Variants in FBXL7 observed in about 807,000 individuals in gnomAD.
FBXL7 encodes F-box/LRR-repeat protein 7.
In FBXL7, 12 loss-of-function variants were observed where a neutral mutation model predicts 38.3. That is an observed-to-expected ratio of 0.31 (90% confidence interval 0.20 to 0.51). The LOEUF (loss-of-function observed/expected upper bound fraction) is 0.51, where lower values mean the gene tolerates loss of function less well. Among genes scored for constraint, FBXL7 ranks in the 20% least tolerant of loss-of-function variants. FBXL7 has a pLI of 0.98. For missense variants in FBXL7, 567 were observed against 676.4 expected, an observed-to-expected ratio of 0.84 and a Z score of 1.79; for synonymous variants, 297 against 300.9, an observed-to-expected ratio of 0.99 and a Z score of 0.13.
chr5:15,838,020 G>A (rs1415829818), intron 2 of FBXL7, among the ~76,000 whole-genome samples: 1 of 152,068 alleles, frequency 6.6e-6, no homozygotes, highest in East Asian at 1.9e-4. Flanking sequence ...TGTGGAGTTG[G>A]GTTGTTAGGC....
intron 2 of FBXL7, among the ~76,000 whole-genome samples, chr5:15,841,797 C>G (rs1007810467): frequency 6.6e-6 from 1 of 152,176 alleles, no homozygotes; most frequent in African/African-American, 2.4e-5. Flanking sequence ...GGAGGCAAGC[C>G]CCAAGCCTTT....
chr5:15,843,115 CTCTT>C (rs567450357), intron 2 of FBXL7, among the ~76,000 whole-genome samples: 7 of 152,110 alleles, frequency 4.6e-5, no homozygotes, highest in Non-Finnish European at 8.8e-5. Flanking sequence ...ATTTCTATCT[CTCTT>C]GTTTATTTCC....
chr5:15,699,019 C>T (rs1743436474), intron 2 of FBXL7, among the ~76,000 whole-genome samples: 1 of 151,846 alleles, frequency 6.6e-6, no homozygotes, highest in Non-Finnish European at 1.5e-5. Context: ...TCTTTTCTTT[C>T]TCAAGCACCC....
intron 1 of FBXL7, among the ~76,000 whole-genome samples, chr5:15,612,917 A>G (rs1417141750): frequency 1.3e-5 from 2 of 152,208 alleles, no homozygotes; most frequent in Non-Finnish European, 2.9e-5. Flanking sequence ...TCTCAGCAAA[A>G]TAACATCATC....
chr5:15,930,519 A>G (rs1195992084), intron 3 of FBXL7, among the ~76,000 whole-genome samples: 4 of 152,242 alleles, frequency 2.6e-5, no homozygotes, highest in Admixed American at 6.5e-5. Flanking sequence ...TCAGAAATGC[A>G]GAAACCACTT....
At chr5:15,658,809 G>C (rs1580439898) in intron 2 of FBXL7, among the ~76,000 whole-genome samples, 1 of 152,284 alleles carries the variant, frequency 6.6e-6, no homozygotes, top group East Asian at 1.9e-4. Flanking sequence ...ATAACACAAG[G>C]AGTTAGGTCA....
chr5:15,666,396 A>G (rs1383772844), intron 2 of FBXL7, among the ~76,000 whole-genome samples: 1 of 152,212 alleles, frequency 6.6e-6, no homozygotes, highest in Admixed American at 6.5e-5. Flanking sequence ...TATATTTACA[A>G]ACTATATTTA....
chr5:15,867,313 T>C (rs958561122), intron 2 of FBXL7, among the ~76,000 whole-genome samples: 1 of 152,174 alleles, frequency 6.6e-6, no homozygotes, highest in Non-Finnish European at 1.5e-5. Flanking sequence ...AGACTACCTA[T>C]CATCTCCACC....
intron 2 of FBXL7, among the ~76,000 whole-genome samples, chr5:15,883,714 A>AGTGG (rs923820137): frequency 3.9e-5 from 6 of 152,168 alleles, no homozygotes; most frequent in African/African-American, 1.4e-4. Context: ...CAATTTTTTC[A>AGTGG]GTGGGTGGTA....
intron 2 of FBXL7, among the ~76,000 whole-genome samples, chr5:15,879,105 A>G (rs917453351): frequency 3.9e-5 from 6 of 152,178 alleles, no homozygotes; most frequent in Non-Finnish European, 8.8e-5. Context: ...TGATGATGAA[A>G]GCTAGTGCAT....
chr5:15,778,359 C>A (rs1463911626), intron 2 of FBXL7, among the ~76,000 whole-genome samples: 6 of 152,094 alleles, frequency 3.9e-5, no homozygotes, highest in African/African-American at 1.4e-4. Flanking sequence ...TCCTGCTCCT[C>A]AACATCTCTG....
At chr5:15,611,765 C>T (rs577895165) in intron 1 of FBXL7, among the ~76,000 whole-genome samples, 4 of 151,566 alleles carry the variant, frequency 2.6e-5, no homozygotes, top group African/African-American at 9.7e-5. Context: ...GGAGGATTGC[C>T]TGAGGCCAGG....
chr5:15,830,894 C>T (rs1048829289), intron 2 of FBXL7, among the ~76,000 whole-genome samples: 7 of 152,076 alleles, frequency 4.6e-5, no homozygotes, highest in East Asian at 2.0e-4. Flanking sequence ...ATTGCCCACC[C>T]GAGGGCAGAT....
intron 2 of FBXL7, among the ~76,000 whole-genome samples, chr5:15,882,137 T>C (rs2126336792): frequency 6.6e-6 from 1 of 152,284 alleles, no homozygotes; most frequent in South Asian, 2.1e-4. Flanking sequence ...ATGAGAAATC[T>C]GCCCCCATGA....
chr5:15,537,749 T>C (rs1361774102), intron 1 of FBXL7, among the ~76,000 whole-genome samples: 1 of 152,130 alleles, frequency 6.6e-6, no homozygotes, highest in Non-Finnish European at 1.5e-5. Flanking sequence ...CAAAAAGATG[T>C]TGATTATTTC....
intron 2 of FBXL7, among the ~76,000 whole-genome samples, chr5:15,781,878 C>T (rs558749418): frequency 6.8e-4 from 104 of 152,120 alleles, no homozygotes; most frequent in African/African-American, 2.4e-3. Context: ...ATGTGCAGAA[C>T]GTGCAGGTTT....
chr5:15,772,172 C>T (rs1035762786), intron 2 of FBXL7, among the ~76,000 whole-genome samples: 2 of 152,170 alleles, frequency 1.3e-5, no homozygotes, highest in African/African-American at 4.8e-5. Context: ...AGTACACATG[C>T]TCTAAACAGC....
intron 2 of FBXL7, among the ~76,000 whole-genome samples, chr5:15,796,682 T>C (rs1202961117): frequency 6.6e-6 from 1 of 152,188 alleles, no homozygotes; most frequent in Non-Finnish European, 1.5e-5. Flanking sequence ...GAGAGAAGCA[T>C]CCAGAGCTTA....
intron 2 of FBXL7, among the ~76,000 whole-genome samples, chr5:15,728,838 C>T (rs1410134860): frequency 3.9e-5 from 6 of 152,130 alleles, no homozygotes; most frequent in African/African-American, 7.2e-5. Flanking sequence ...GTTTGTGAAA[C>T]GTGGATGTAA....
Sources: allele counts gnomAD v4.1 joint callset (sites outside exome capture counted in the v4.1 genomes callset), GRCh38; gene constraint gnomAD v4.1.1; transcripts MANE v1.5; gene names NCBI Gene and HGNC (gene_info 2026-07-23, HGNC 2026-07-21).